CDH4: variants seen among roughly 807,000 people sequenced by gnomAD.
CDH4 encodes the protein cadherin 4.
In CDH4, 33 loss-of-function variants were observed where a neutral mutation model predicts 86.0. The ratio of observed to expected loss-of-function variants is 0.38; its 90% CI spans 0.29 to 0.51. The LOEUF (loss-of-function observed/expected upper bound fraction) is 0.51, where lower values mean the gene tolerates loss of function less well. Among genes scored for constraint, CDH4 ranks in the 20% least tolerant of loss-of-function variants. The pLI is 0.86. For missense variants in CDH4, 1,114 were observed against 1,307.4 expected (o/e 0.85, Z 2.28); for synonymous variants, 555 against 549.4 (o/e 1.01, Z -0.14).
chr20:61,675,043 C>T (rs539693204), intron 2 of CDH4, among the ~76,000 whole-genome samples: 5 of 152,360 alleles, frequency 3.3e-5, no homozygotes, highest in East Asian at 3.9e-4. Flanking sequence ...ATGCTTGCTG[C>T]CTTCTGCTCT....
chr20:61,899,509 C>G (rs543960866), intron 8 of CDH4, among the ~76,000 whole-genome samples: 57 of 152,186 alleles, frequency 3.7e-4, no homozygotes, highest in South Asian at 1.5e-3. Context: ...CTCACTGCAA[C>G]CTCCGCCTCC....
intron 8 of CDH4, among the ~76,000 whole-genome samples, 196 bp downstream of exon 8, chr20:61,895,243 G>A (rs534389589): frequency 1.7e-4 from 26 of 152,380 alleles, no homozygotes; most frequent in African/African-American, 5.8e-4. Flanking sequence ...GAGAGAGGCC[G>A]GGGCTCAGTC....
intron 2 of CDH4, among the ~76,000 whole-genome samples, chr20:61,729,637 C>G (rs966136077): frequency 6.6e-6 from 1 of 152,218 alleles, no homozygotes; most frequent in East Asian, 1.9e-4. Flanking sequence ...AAATATTCAA[C>G]AAAGACGTGG....
rs372708280 is a variant in CDH4, at chr20:61,811,682, CTTT to C, written c.577-32970_577-32968del. Among the ~76,000 whole-genome samples the C allele has an allele frequency of 0.084, 10,654 of 127,406 alleles. 505 individuals carry two copies. Among genetic ancestry groups the C allele is most frequent in the African/African-American group, 0.12 (4,249 of 34,486 alleles). 83.6% of individuals were successfully genotyped at this position (127,406 alleles called of 152,430 possible). On this transcript the variant is annotated intron_variant, in intron 4 of 15. Coordinates refer to ENST00000614565, the MANE Select transcript of CDH4 (RefSeq NM_001794.5). This position sits in a 1 kb window ranked among gnomAD's most constrained non-coding sequence, Gnocchi z 4.4. ...GTCACGCCCCTGGCTGCCTACTGAG[CTTT>C]TTTTTTTTTTTTTTTGAGTTGGCAC...
At chr20:61,487,722 C>T (rs1163375323) in intron 2 of CDH4, among the ~76,000 whole-genome samples, 2 of 152,204 alleles carry the variant, frequency 1.3e-5, no homozygotes, top group Non-Finnish European at 2.9e-5. Flanking sequence ...TGAAACACTA[C>T]TACTCAAACA....
intron 2 of CDH4, among the ~76,000 whole-genome samples, chr20:61,724,074 C>A (rs13044573): frequency 7.7e-6 from 1 of 129,128 alleles, no homozygotes; most frequent in Admixed American, 8.1e-5. Context: ...AGGCTCCATG[C>A]GGCAGGGCGG....
chr20:61,748,643 C>T (rs141697801), intron 3 of CDH4, among the ~76,000 whole-genome samples: 42 of 152,184 alleles, frequency 2.8e-4, no homozygotes, highest in Non-Finnish European at 5.0e-4. Context: ...AAACAGAGAA[C>T]TCGAATTTAC....
chr20:61,661,456 G>A (rs1348720593), intron 2 of CDH4, among the ~76,000 whole-genome samples: 2 of 146,736 alleles, frequency 1.4e-5, no homozygotes, highest in Non-Finnish European at 3.0e-5. Context: ...CTTTAAGTGG[G>A]CTTTGCTTTC....
rs1413224486 is a variant in CDH4, at chr20:61,383,596, GAT to G, written c.169+128666_169+128667del. ...TATATATGAATATATATGAATATAT[GAT>G]ATATATGATATATATGAATATATGA... On this transcript the variant is annotated intron_variant, in intron 2 of 15. Coordinates refer to ENST00000614565, the MANE Select transcript of CDH4 (RefSeq NM_001794.5). Among the ~76,000 whole-genome samples, 11 of 10,246 alleles carry G rather than the reference GAT, an allele frequency of 1.1e-3. No individual in the cohort carries two copies. In the African/African-American group the frequency reaches 0.029, roughly 27 times the overall value. The allele number at this position is 10,246 out of a possible 152,430, so 6.7% of individuals were successfully genotyped here. A position where few individuals can be genotyped will look rare whatever the true frequency, so the allele number is the denominator to read the frequency against.
At chr20:61,677,588 C>A (rs2087456884) in intron 2 of CDH4, among the ~76,000 whole-genome samples, 1 of 150,092 alleles carries the variant, frequency 6.7e-6, no homozygotes, top group Non-Finnish European at 1.5e-5. Context: ...AGGCACATCC[C>A]CCTCAGATCC....
intron 3 of CDH4, among the ~76,000 whole-genome samples, chr20:61,760,525 C>T (rs917366518): frequency 4.6e-5 from 7 of 152,248 alleles, no homozygotes; most frequent in South Asian, 2.1e-4. Flanking sequence ...AGCAGCATGA[C>T]GCTGGGCAGG....
chr20:61,828,290 G>A (rs551505898), intron 4 of CDH4, among the ~76,000 whole-genome samples: 8 of 152,228 alleles, frequency 5.3e-5, no homozygotes, highest in South Asian at 2.1e-4. Context: ...CCCACCACCC[G>A]CCACCTGTGA....
In CDH4 at chr20:61,686,760, C is replaced by T. The variant is rs887760435; in HGVS notation, c.170-56803C>T. On this transcript the variant is annotated intron_variant, in intron 2 of 15. Transcript: ENST00000614565. The stretch of plus-strand genomic sequence containing the variant: ...GTGTGTGTGCATATGTGTATATGTG[C>T]GTGTGCATTCGCGCGTGTGTGTGTG... Among the ~76,000 whole-genome samples, 67 of 150,576 alleles carry T rather than the reference C, an allele frequency of 4.4e-4. 2 individuals carry two copies. The highest frequency in any genetic ancestry group is 1.3e-3 in the African/African-American group (54 of 40,874).
intron 11 of CDH4, among the ~76,000 whole-genome samples, chr20:61,925,615 G>A (rs1426557001): frequency 6.6e-6 from 1 of 152,254 alleles, no homozygotes; most frequent in Non-Finnish European, 1.5e-5. Flanking sequence ...GCCCTGCTGT[G>A]GCTTGGCTGA....
At chr20:61,605,479 CT>C (rs2086636611) in intron 2 of CDH4, among the ~76,000 whole-genome samples, 1 of 151,858 alleles carries the variant, frequency 6.6e-6, no homozygotes, top group Non-Finnish European at 1.5e-5. Flanking sequence ...CTATTTGTCT[CT>C]CCCTGTCTCT....
At chr20:61,478,960 AT>A (rs549699582) in intron 2 of CDH4, among the ~76,000 whole-genome samples, 356 of 144,338 alleles carry the variant, frequency 2.5e-3, no homozygotes, top group Middle Eastern at 3.6e-3. Context: ...CATTTTTGAA[AT>A]TTTTTTTTTT....
At chr20:61,536,485 G>A (rs1279474618) in intron 2 of CDH4, among the ~76,000 whole-genome samples, 5 of 151,916 alleles carry the variant, frequency 3.3e-5, no homozygotes, top group East Asian at 1.9e-4. Flanking sequence ...GGGAGGGGGA[G>A]GGAGAAAAGG....
intron 2 of CDH4, among the ~76,000 whole-genome samples, chr20:61,522,741 G>T (rs1033451049): frequency 1.3e-5 from 2 of 152,186 alleles, no homozygotes; most frequent in African/African-American, 4.8e-5. Context: ...GCCGCGGGCT[G>T]TTGTCTTCCG....
At chr20:61,458,658 A>T (rs189485631) in intron 2 of CDH4, among the ~76,000 whole-genome samples, 2 of 152,068 alleles carry the variant, frequency 1.3e-5, no homozygotes, top group East Asian at 3.9e-4. Flanking sequence ...GATGGTGATA[A>T]TGGTAATGAT....
Sources: allele counts gnomAD v4.1 joint callset (sites outside exome capture counted in the v4.1 genomes callset), GRCh38; gene constraint gnomAD v4.1.1; non-coding constraint Gnocchi (gnomAD v3.1); transcripts MANE v1.5; gene names NCBI Gene and HGNC (gene_info 2026-07-23, HGNC 2026-07-21).